Variants in RGS6 observed in about 807,000 individuals in gnomAD.
RGS6 encodes regulator of G protein signaling 6, also known as regulator of G-protein signaling 6.
A neutral mutation model predicts 78.5 loss-of-function variants in RGS6; 30 were observed. The ratio of observed to expected loss-of-function variants is 0.38; its 90% confidence interval spans 0.29 to 0.52. The LOEUF (loss-of-function observed/expected upper bound fraction) is 0.52. RGS6 is among the 20% of genes least tolerant of loss of function. The probability of loss-of-function intolerance (pLI) is 0.85; values close to 1 mark genes in which losing one functional copy is unlikely to be tolerated. For missense variants in RGS6, 495 were observed against 609.7 expected (o/e 0.81, Z 1.98); for synonymous variants, 206 against 206.0 (o/e 1.00, Z 0.00).
chr14:72,540,157 C>CTTTT, intron 17 of RGS6, 63 bp downstream of exon 17: 1 of 1,296,052 alleles, frequency 7.7e-7, no homozygotes, highest in Non-Finnish European at 1.0e-6. Context: ...CTTTCTTCTT[C>CTTTT]TTTTTTTTTT....
intron 2 of RGS6, among the ~76,000 whole-genome samples, chr14:71,977,674 T>C (rs1370634161): frequency 6.6e-6 from 1 of 150,706 alleles, no homozygotes; most frequent in Non-Finnish European, 1.5e-5. Context: ...AGCCTTGTAG[T>C]ATAGTTTGAA....
At chr14:71,944,296 G>A (rs143514231) in intron 1 of RGS6, among the ~76,000 whole-genome samples, 11 of 152,254 alleles carry the variant, frequency 7.2e-5, no homozygotes, top group Admixed American at 1.3e-4. Context: ...ATGTTGGGTG[G>A]TATTATGCCC....
At chr14:71,966,321 G>C (rs2093509432) in intron 2 of RGS6, among the ~76,000 whole-genome samples, 1 of 152,164 alleles carries the variant, frequency 6.6e-6, no homozygotes, top group Non-Finnish European at 1.5e-5. Context: ...TTCTGGCTTT[G>C]AGTGTAAGAT....
the RGS6 span, among the ~76,000 whole-genome samples, chr14:72,596,434 A>C: frequency 6.6e-6 from 1 of 152,138 alleles, no homozygotes; most frequent in Non-Finnish European, 1.5e-5. Flanking sequence ...TGCAACCTTA[A>C]TTTCCCCCTC....
chr14:72,047,746 A>G (rs1364266192), intron 2 of RGS6, among the ~76,000 whole-genome samples: 1 of 150,606 alleles, frequency 6.6e-6, no homozygotes, highest in African/African-American at 2.4e-5. Flanking sequence ...TTTTTTTTTG[A>G]GATGGAATCT....
intron 3 of RGS6, among the ~76,000 whole-genome samples, chr14:72,422,190 G>A (rs978030264): frequency 6.6e-6 from 1 of 152,152 alleles, no homozygotes; most frequent in African/African-American, 2.4e-5. Context: ...CAGCCACGTG[G>A]AACTGTAAGT....
chr14:72,492,655 C>A (rs1459921396), intron 12 of RGS6, among the ~76,000 whole-genome samples: 1 of 152,092 alleles, frequency 6.6e-6, no homozygotes, highest in East Asian at 1.9e-4. Flanking sequence ...CTCAGCATGC[C>A]AACATACTAT....
At chr14:71,927,024 A>G in the RGS6 span, among the ~76,000 whole-genome samples, 3 of 152,206 alleles carry the variant, frequency 2.0e-5, no homozygotes, top group Non-Finnish European at 2.9e-5. Context: ...TTCAAGTCAT[A>G]TTACATGTGT....
intron 3 of RGS6, among the ~76,000 whole-genome samples, chr14:72,398,502 G>C (rs1309058321): frequency 6.6e-6 from 1 of 152,076 alleles, no homozygotes; most frequent in Non-Finnish European, 1.5e-5. Context: ...CAAAAAACCA[G>C]CTCCTGGATT....
chr14:72,287,944 C>T (rs2062885001), intron 2 of RGS6, among the ~76,000 whole-genome samples: 1 of 152,128 alleles, frequency 6.6e-6, no homozygotes, highest in Non-Finnish European at 1.5e-5. Context: ...AAATAAATCC[C>T]ACTTGGTCAT....
intron 2 of RGS6, among the ~76,000 whole-genome samples, chr14:72,107,200 G>C (rs2095651615): frequency 6.6e-6 from 1 of 151,680 alleles, no homozygotes; most frequent in African/African-American, 2.4e-5. Context: ...ATACTGAATT[G>C]CTTCCCTGTC....
intron 2 of RGS6, among the ~76,000 whole-genome samples, chr14:72,325,869 C>G (rs903633096): frequency 3.8e-4 from 58 of 152,122 alleles, no homozygotes; most frequent in African/African-American, 1.3e-3. Flanking sequence ...TTCACATTGA[C>G]AAGGATCAAA....
intron 2 of RGS6, among the ~76,000 whole-genome samples, chr14:71,971,736 C>T (rs1280609500): frequency 1.3e-5 from 2 of 152,124 alleles, no homozygotes; most frequent in African/African-American, 4.8e-5. Context: ...TCTGAAGTCT[C>T]AGCTGGGGAA....
rs555076223 is a variant in RGS6, at chr14:72,424,975, C to T, written c.185-29553C>T. ...TCAGAAGATGCAACAGTGCTGAGAA[C>T]GGTGCCTGACATGCAGGAAACATTC... On this transcript the variant is annotated intron_variant, in intron 3 of 17. Transcript: ENST00000553525. Among the ~76,000 whole-genome samples, 25 of 152,266 alleles carry T rather than the reference C, an allele frequency of 1.6e-4. 1 individual carries two copies. The highest frequency in any genetic ancestry group is 5.2e-4 in the Admixed American group (8 of 15,296).
intron 17 of RGS6, among the ~76,000 whole-genome samples, chr14:72,550,992 A>C (rs1430363331): frequency 6.6e-6 from 1 of 152,004 alleles, no homozygotes; most frequent in African/African-American, 2.4e-5. Context: ...GGCCTGCACC[A>C]CCACACTCAA....
intron 2 of RGS6, among the ~76,000 whole-genome samples, chr14:72,312,211 T>G (rs969009395): frequency 7.0e-6 from 1 of 143,254 alleles, no homozygotes; most frequent in Non-Finnish European, 1.5e-5. Flanking sequence ...GTTGCTTACA[T>G]TGGCTGAGAA....
At chr14:72,506,778 G>A (rs2096806233) in intron 13 of RGS6, among the ~76,000 whole-genome samples, 2 of 152,054 alleles carry the variant, frequency 1.3e-5, no homozygotes, top group Admixed American at 6.6e-5. Flanking sequence ...TAGAGTTGTT[G>A]CAGATGCAGT....
At chr14:72,033,002 C>T (rs2091145363) in intron 2 of RGS6, among the ~76,000 whole-genome samples, 1 of 152,076 alleles carries the variant, frequency 6.6e-6, no homozygotes, top group African/African-American at 2.4e-5. Context: ...TGATAAAACC[C>T]ATCATCAGTT....
intron 2 of RGS6, among the ~76,000 whole-genome samples, chr14:72,258,713 G>A (rs2057551330): frequency 6.6e-6 from 1 of 152,154 alleles, no homozygotes; most frequent in Non-Finnish European, 1.5e-5. Flanking sequence ...AATAATGTCT[G>A]TTTCACAGGG....
Sources: allele counts gnomAD v4.1 joint callset (sites outside exome capture counted in the v4.1 genomes callset), GRCh38; gene constraint gnomAD v4.1.1; transcripts MANE v1.5; gene names NCBI Gene and HGNC (gene_info 2026-07-23, HGNC 2026-07-21).